Variants in AP1M2 observed in about 807,000 individuals in gnomAD.
AP1M2 encodes the protein AP-1 complex subunit mu-2.
In AP1M2, 41 loss-of-function variants were observed where a neutral mutation model predicts 54.6. The observed-to-expected ratio is 0.75, with a 90% confidence interval of 0.59 to 0.97. AP1M2 has a LOEUF of 0.97. Ranked by LOEUF, AP1M2 falls within the 50% of genes least tolerant of loss-of-function variation. AP1M2 has a pLI of 0.00. For synonymous variants in AP1M2, 219 were observed against 215.9 expected, an observed-to-expected ratio of 1.01 and a Z score of -0.13; for missense variants, 507 against 561.2, an observed-to-expected ratio of 0.90 and a Z score of 0.98.
intron 1 of AP1M2, among the ~76,000 whole-genome samples, chr19:10,584,615 T>C (rs1212343337): frequency 7.7e-6 from 1 of 129,932 alleles, no homozygotes; most frequent in Non-Finnish European, 1.7e-5. Context: ...AGAAAGAAAG[T>C]AAAGAAGGAA....
intron 1 of AP1M2, among the ~76,000 whole-genome samples, chr19:10,584,377 G>A (rs926491117): frequency 2.6e-4 from 39 of 152,254 alleles, no homozygotes; most frequent in African/African-American, 8.9e-4. Context: ...TCAAGAGATC[G>A]AGACCATCCT....
chr19:10,577,507 G>C (rs1172466070), intron 8 of AP1M2, among the ~76,000 whole-genome samples, 151 bp from the exon 9 acceptor site: 3 of 131,412 alleles, frequency 2.3e-5, no homozygotes, highest in South Asian at 4.9e-4. Context: ...GATCTCGGCT[G>C]GCTGTAAGCT....
At chr19:10,586,800 G>C (rs928445094) in intron 1 of AP1M2, among the ~76,000 whole-genome samples, 1 of 152,296 alleles carries the variant, frequency 6.6e-6, no homozygotes, top group Non-Finnish European at 1.5e-5. Context: ...CAGATGGGGG[G>C]AGTTAGAGGC....
rs1568434699 is a variant in AP1M2 at position 10,585,283 on chromosome 19, A to AAAGAAAG, written c.43-1214_43-1213insCTTTCTT. ...AAGAAGGAAAGAAAGAAAGAAGAAAAAAAGAAAGAAAGAAAGAAAGAAAGA... is the reference window on the plus strand; with the variant it reads ...AAGAAGGAAAGAAAGAAAGAAGAAAAAAGAAAGAAAGAAAGAAAGAAAGAAAGAAAGA... On this transcript the variant is annotated intron_variant, in intron 1 of 11. Transcript: ENST00000250244. 5.4e-4 allele frequency among the ~76,000 whole-genome samples: 56 copies of AAAGAAAG among 104,566 alleles called. 2 individuals carry two copies. Among genetic ancestry groups the AAAGAAAG allele is most frequent in the Non-Finnish European group, 6.9e-4 (36 of 52,386 alleles). 68.6% of individuals were successfully genotyped at this position (104,566 alleles called of 152,430 possible).
Position 10,572,776 on chromosome 19 carries a change from T to G in AP1M2, c.*290A>C. The stretch of plus-strand genomic sequence containing the variant: ...GACCCGCAACACCCGCTAAGGCAGG[T>G]AATTGCAAGAAGGCACTCGCGAGGA... On this transcript the variant is annotated 3_prime_UTR_variant, in exon 12 of 12. Transcript: ENST00000250244. 1 of 362,648 alleles carries G rather than the reference T, an allele frequency of 2.8e-6. No individual in the cohort carries two copies. Among genetic ancestry groups the G allele is most frequent in the Non-Finnish European group, 5.1e-6 (1 of 196,020 alleles). 22.5% of individuals were successfully genotyped at this position (362,648 alleles called of 1,614,324 possible).
chr19:10,584,615 T>A (rs1212343337), intron 1 of AP1M2, among the ~76,000 whole-genome samples: 1 of 129,930 alleles, frequency 7.7e-6, no homozygotes, highest in South Asian at 2.4e-4. Flanking sequence ...AGAAAGAAAG[T>A]AAAGAAGGAA....
In AP1M2 at chr19:10,577,238, G is replaced by A. The variant is rs754707898; in HGVS notation, c.1007C>T (p.Pro336Leu). Residue 336 changes from proline to leucine, a missense_variant, in exon 9 of 12, where the codon CCG (proline) becomes CTG (leucine). By Grantham distance (98) the Pro-to-Leu change is moderately conservative. Coordinates refer to ENST00000250244, the MANE Select transcript of AP1M2 (RefSeq NM_005498.5). ...ACTCCAAATCACGACGTTTCTCTCC[G>A]GCACATACTTGGCGCTGCCCACACT... is the stretch of plus-strand genomic sequence containing the variant. Reference protein sequence around the residue: ...KTSVGSAKYVPERNVVIWSIK... With the variant: ...KTSVGSAKYVLERNVVIWSIK... 1.9e-6 allele frequency: 3 copies of A among 1,612,774 alleles called. No individual in the cohort carries two copies. The highest frequency in any genetic ancestry group is 2.5e-6 in the Non-Finnish European group (3 of 1,179,516).
In AP1M2 at chr19:10,575,151, T is replaced by C. The variant is rs553245693; in HGVS notation, c.1048-122A>G. The C allele has an allele frequency of 2.6e-6, 3 of 1,144,690 alleles. No homozygotes were observed. In the East Asian group the frequency reaches 9.5e-5, roughly 36 times the overall value. The allele number at this position is 1,144,690 out of a possible 1,614,324, so 70.9% of individuals were successfully genotyped here. A position where few individuals can be genotyped will look rare whatever the true frequency, so the allele number is the denominator to read the frequency against. On this transcript the variant is annotated intron_variant, in intron 9 of 11. Coordinates refer to ENST00000250244, the MANE Select transcript of AP1M2 (RefSeq NM_005498.5). ...ATTTCACAGACAGGAAAATAAAGGC[T>C]CCTTAGCCTGGGCAACATATTGAGA...
intron 7 of AP1M2, 100 bp from the exon 8 acceptor site, chr19:10,579,063 C>T (rs560684641): frequency 2.0e-4 from 182 of 914,654 alleles, no homozygotes; most frequent in Middle Eastern, 3.6e-4. Context: ...CTCGCTTCTT[C>T]GCCCAGGCTG....
At chr19:10,584,727 T>G (rs1917574151) in intron 1 of AP1M2, among the ~76,000 whole-genome samples, 1 of 152,080 alleles carries the variant, frequency 6.6e-6, no homozygotes, top group Non-Finnish European at 1.5e-5. Flanking sequence ...GTTTACTAAC[T>G]TATTAGTTCT....
At chr19:10,584,288 G>A (rs1473220769) in intron 1 of AP1M2, among the ~76,000 whole-genome samples, 4 of 152,172 alleles carry the variant, frequency 2.6e-5, no homozygotes, top group Admixed American at 6.6e-5. Flanking sequence ...TTTTATTAAA[G>A]GGTAGGCGAT....
rs769117610 is a variant in AP1M2, at chr19:10,577,181, C to T, written c.1047+17G>A. 6.2e-7 allele frequency: 1 copy of T among 1,604,396 alleles called. No homozygotes were observed. The highest frequency in any genetic ancestry group is 8.5e-7 in the Non-Finnish European group (1 of 1,175,662). ...TCCCCTCCACCCCCAGATCCCCCGC[C>T]AGTCCCTGGTACTTACCGGGAAAGA... On this transcript the variant is annotated intron_variant, in intron 9 of 11. Coordinates refer to ENST00000250244, the MANE Select transcript of AP1M2 (RefSeq NM_005498.5).
intron 8 of AP1M2, among the ~76,000 whole-genome samples, chr19:10,577,626 G>T (rs1259334805): frequency 1.3e-5 from 2 of 150,880 alleles, no homozygotes; most frequent in Admixed American, 1.3e-4. Flanking sequence ...TAGTAGAGAC[G>T]GGGTTTCAGC....
Position 10,578,901 on chromosome 19 carries a change from G to A in AP1M2, c.879C>T (p.Ile293=), listed in dbSNP as rs1381082639. ...IEKFSHSRVE[I]MVKAKGQFKK... ...TTCCCCCAAGGCCCACCTTGACCAT[G>A]ATCTCCACGCGGCTGTGGGAGAACT... is the stretch of plus-strand genomic sequence containing the variant. Residue 293 remains isoleucine (I), a synonymous_variant, in exon 8 of 12, where the codon ATC becomes ATT. Coordinates refer to ENST00000250244, the MANE Select transcript of AP1M2 (RefSeq NM_005498.5). The A allele has an allele frequency of 6.2e-7, 1 of 1,607,576 alleles. No homozygotes were observed. Among genetic ancestry groups the A allele is most frequent in the East Asian group, 2.2e-5 (1 of 44,644 alleles).
intron 11 of AP1M2, among the ~76,000 whole-genome samples, chr19:10,573,374 G>A (rs1318198129): frequency 3.3e-5 from 5 of 151,826 alleles, no homozygotes; most frequent in Admixed American, 6.6e-5. Flanking sequence ...AGCTGAGATT[G>A]CGCCACTGCA....
chr19:10,580,223 G>A (rs368052124), intron 6 of AP1M2, among the ~76,000 whole-genome samples: 1 of 151,942 alleles, frequency 6.6e-6, no homozygotes, highest in Non-Finnish European at 1.5e-5. Context: ...GGCTAATTTT[G>A]TATTTTTAGT....
chr19:10,579,697 G>C lies in AP1M2; in HGVS notation c.816+19C>G, dbSNP rs1007250035. 2 of 1,608,892 alleles carry C rather than the reference G, an allele frequency of 1.2e-6. No individual in the cohort carries two copies. The highest frequency in any genetic ancestry group is 1.7e-6 in the Non-Finnish European group (2 of 1,177,468). ...TACCCCAACCTACTCCACCCAGATG[G>C]GGCTGGACCCTGCCTCACCTGGGTG... On this transcript the variant is annotated intron_variant, in intron 7 of 11. Coordinates refer to ENST00000250244, the MANE Select transcript of AP1M2 (RefSeq NM_005498.5).
intron 1 of AP1M2, among the ~76,000 whole-genome samples, chr19:10,585,494 C>A (rs1321936409): frequency 6.6e-6 from 1 of 151,586 alleles, no homozygotes; most frequent in Non-Finnish European, 1.5e-5. Flanking sequence ...GTCAAGAGTT[C>A]GAGACCATCC....
chr19:10,587,147 G>C, intron 1 of AP1M2, 43 bp downstream of exon 1: 4 of 1,548,626 alleles, frequency 2.6e-6, no homozygotes, highest in Non-Finnish European at 3.5e-6. Context: ...CTGGGAGCGA[G>C]ACCTCACCTG....
Sources: gnomAD v4.1 joint callset for allele counts (sites outside exome capture counted in the v4.1 genomes callset) on GRCh38, gnomAD v4.1.1 for gene constraint, MANE v1.5 for transcripts, NCBI Gene and HGNC (gene_info 2026-07-23, HGNC 2026-07-21) for gene names.